CELF4: variants seen among roughly 807,000 people sequenced by gnomAD.
The protein encoded by CELF4 is CUGBP Elav-like family member 4.
In CELF4, 18 loss-of-function variants were observed where a neutral mutation model predicts 59.9. The observed-to-expected ratio is 0.30, with a 90% confidence interval of 0.21 to 0.45. The LOEUF (loss-of-function observed/expected upper bound fraction) is 0.45, where lower values mean the gene tolerates loss of function less well. Among genes scored for constraint, CELF4 ranks in the 20% least tolerant of loss-of-function variants. CELF4 has a pLI of 1.00. For synonymous variants in CELF4, 261 were observed against 267.1 expected (o/e 0.98, Z 0.22); for missense variants, 456 against 689.0 (o/e 0.66, Z 3.79).
Position 37,294,687 on chromosome 18 carries a change from A to G in CELF4, c.449-19444T>C, listed in dbSNP as rs552355175. 2.6e-5 allele frequency among the ~76,000 whole-genome samples: 4 copies of G among 152,310 alleles called. No homozygotes were observed. In the South Asian group the frequency reaches 8.3e-4, roughly 32 times the overall value. ...CTTTTAAAAACTTGGACCTTTGTCCATTTCTTGTCTCCACAGTGTCTCAAG... is the reference window on the plus strand; with the variant it reads ...CTTTTAAAAACTTGGACCTTTGTCCGTTTCTTGTCTCCACAGTGTCTCAAG... On this transcript the variant is annotated intron_variant, in intron 3 of 12. Coordinates refer to ENST00000420428, the MANE Select transcript of CELF4 (RefSeq NM_020180.4).
chr18:37,496,268 C>T (rs139110755), intron 1 of CELF4, among the ~76,000 whole-genome samples: 1 of 152,344 alleles, frequency 6.6e-6, no homozygotes, highest in East Asian at 1.9e-4. Flanking sequence ...TGTCCCTCAA[C>T]TAGACCACAG....
intron 2 of CELF4, among the ~76,000 whole-genome samples, chr18:37,411,309 G>T (rs998311808): frequency 6.6e-6 from 1 of 152,182 alleles, no homozygotes; most frequent in African/African-American, 2.4e-5. Flanking sequence ...GAGTTCAGAA[G>T]TCTCGAAGAG....
chr18:37,447,909 C>A (rs1219426224), intron 2 of CELF4, among the ~76,000 whole-genome samples: 1 of 152,162 alleles, frequency 6.6e-6, no homozygotes, highest in Non-Finnish European at 1.5e-5. Context: ...GGGTGACCAT[C>A]CCCCAAGCAC....
chr18:37,390,318 G>C (rs1454809335), intron 2 of CELF4, among the ~76,000 whole-genome samples: 1 of 152,188 alleles, frequency 6.6e-6, no homozygotes, highest in Non-Finnish European at 1.5e-5. Flanking sequence ...GGGGATGAGA[G>C]AACTGGGAGC....
intron 2 of CELF4, among the ~76,000 whole-genome samples, chr18:37,451,994 C>A (rs978782919): frequency 6.6e-6 from 1 of 152,168 alleles, no homozygotes; most frequent in Non-Finnish European, 1.5e-5. Flanking sequence ...CCCTCCTCTG[C>A]CCAGCACCTG....
At chr18:37,325,189 G>A (rs557646649) in intron 2 of CELF4, among the ~76,000 whole-genome samples, 25 of 152,232 alleles carry the variant, frequency 1.6e-4, no homozygotes, top group African/African-American at 5.5e-4. Flanking sequence ...CCTGAGGCAG[G>A]AGACTCCATT....
chr18:37,485,232 G>T (rs1028754160), intron 2 of CELF4, among the ~76,000 whole-genome samples: 16 of 151,920 alleles, frequency 1.1e-4, no homozygotes, highest in Admixed American at 2.0e-4. Flanking sequence ...CGCGGCCCGC[G>T]GGCCCGGCGG....
At chr18:37,353,857 C>T (rs868219957) in intron 2 of CELF4, among the ~76,000 whole-genome samples, 3 of 151,168 alleles carry the variant, frequency 2.0e-5, no homozygotes, top group Non-Finnish European at 2.9e-5. Context: ...CCTGGGTTCC[C>T]GCCATCCTCC....
intron 2 of CELF4, among the ~76,000 whole-genome samples, chr18:37,442,786 G>A (rs1005049855): frequency 1.3e-5 from 2 of 152,334 alleles, no homozygotes; most frequent in Non-Finnish European, 2.9e-5. Flanking sequence ...TGAACAAGAC[G>A]TCTTACGGAG....
At chr18:37,544,566 G>C (rs1355760064) in intron 1 of CELF4, among the ~76,000 whole-genome samples, 1 of 152,174 alleles carries the variant, frequency 6.6e-6, no homozygotes, top group Non-Finnish European at 1.5e-5. Flanking sequence ...CAGAGGAGTT[G>C]GCTGGCCTGT....
chr18:37,318,412 T>C, intron 3 of CELF4, among the ~76,000 whole-genome samples: 1 of 151,676 alleles, frequency 6.6e-6, no homozygotes, highest in African/African-American at 2.4e-5. Context: ...CATTCCCCTC[T>C]CCTGTTGCCT....
At chr18:37,365,756 G>A (rs58341190) in intron 2 of CELF4, among the ~76,000 whole-genome samples, 188 of 152,212 alleles carry the variant, frequency 1.2e-3, no homozygotes, top group African/African-American at 4.3e-3. Context: ...AAAGTGCTGG[G>A]ATTACAGGTG....
chr18:37,545,134 G>A (rs1204238606), intron 1 of CELF4, among the ~76,000 whole-genome samples: 1 of 152,226 alleles, frequency 6.6e-6, no homozygotes, highest in Non-Finnish European at 1.5e-5. Context: ...GGAAGACCGG[G>A]CATAATAAGG....
intron 3 of CELF4, among the ~76,000 whole-genome samples, chr18:37,315,448 T>C (rs1053125944): frequency 1.3e-5 from 2 of 152,090 alleles, no homozygotes; most frequent in Non-Finnish European, 2.9e-5. Context: ...TTTCTGTCAT[T>C]TCGTGTTGAT....
rs183329263 is a variant in CELF4 at position 37,322,023 on chromosome 18, C to T, written c.370-142G>A. 495 of 576,184 alleles carry T rather than the reference C, an allele frequency of 8.6e-4. 2 individuals carry two copies. In the African/African-American group the frequency reaches 9.0e-3, roughly 11 times the overall value. 35.7% of individuals were successfully genotyped at this position (576,184 alleles called of 1,614,324 possible). A position where few individuals can be genotyped will look rare whatever the true frequency, so the allele number is the denominator to read the frequency against. ...CTCCCACAACATGCTGCTGCAAGCA[C>T]ACACACCTTCACCAAAGTGCTGCCC... On this transcript the variant is annotated intron_variant, in intron 2 of 12. Coordinates refer to ENST00000420428, the MANE Select transcript of CELF4 (RefSeq NM_020180.4).
intron 2 of CELF4, among the ~76,000 whole-genome samples, chr18:37,483,214 A>G (rs1484214059): frequency 6.6e-6 from 1 of 152,160 alleles, no homozygotes; most frequent in Non-Finnish European, 1.5e-5. Context: ...CAATAACACC[A>G]GGTCTGCTTT....
chr18:37,312,496 T>C (rs893134847), intron 3 of CELF4, among the ~76,000 whole-genome samples: 6 of 152,174 alleles, frequency 3.9e-5, no homozygotes, highest in African/African-American at 1.4e-4. Flanking sequence ...AACCTGGGAT[T>C]CAAGTATACA....
chr18:37,504,698 C>T (rs1209196184), intron 1 of CELF4, among the ~76,000 whole-genome samples: 2 of 152,122 alleles, frequency 1.3e-5, no homozygotes, highest in East Asian at 3.9e-4. Context: ...AGCACTGCCT[C>T]GGGCGAGGGG....
intron 1 of CELF4, among the ~76,000 whole-genome samples, chr18:37,502,559 G>A (rs1414119680): frequency 6.6e-6 from 1 of 152,246 alleles, no homozygotes; most frequent in Non-Finnish European, 1.5e-5. Context: ...CAGGCCTCCA[G>A]CAAGGCTAGT....
Sources: allele counts gnomAD v4.1 joint callset (sites outside exome capture counted in the v4.1 genomes callset), GRCh38; gene constraint gnomAD v4.1.1; transcripts MANE v1.5; gene names NCBI Gene and HGNC (gene_info 2026-07-23, HGNC 2026-07-21).